The following LYSMD2 variants were observed in gnomAD, a reference collection of about 807,000 sequenced individuals.
LYSMD2 encodes the protein lysM and putative peptidoglycan-binding domain-containing protein 2.
Under a neutral mutation model 17.7 loss-of-function variants are expected in LYSMD2, and 6 were observed. The observed-to-expected ratio is 0.34, with a 90% CI of 0.19 to 0.67. LYSMD2 has a LOEUF of 0.67. LYSMD2 is among the 30% of genes least tolerant of loss of function. LYSMD2 has a pLI of 0.69. For synonymous variants in LYSMD2, 102 were observed against 129.8 expected (o/e 0.79, Z 1.45); for missense variants, 237 against 286.7 (o/e 0.83, Z 1.25).
intron 1 of LYSMD2, among the ~76,000 whole-genome samples, chr15:51,730,442 A>G (rs2055569424): frequency 6.6e-6 from 1 of 152,192 alleles, no homozygotes. Context: ...CTTGAGCCTG[A>G]GAGGTCAAGG....
At chr15:51,733,074 G>A (rs990168005) in intron 1 of LYSMD2, among the ~76,000 whole-genome samples, 8 of 152,158 alleles carry the variant, frequency 5.3e-5, no homozygotes, top group African/African-American at 1.9e-4. Context: ...ATACCCCACT[G>A]CATTCTAAGC....
At chr15:51,749,463 T>C (rs1423495969) in intron 1 of LYSMD2, among the ~76,000 whole-genome samples, 1 of 152,244 alleles carries the variant, frequency 6.6e-6, no homozygotes, top group Non-Finnish European at 1.5e-5. Context: ...CTGCTTCGAC[T>C]GCCGAACATG....
In LYSMD2 at chr15:51,723,478, A is replaced by G. The variant is rs949548316; in HGVS notation, c.*129T>C. ...CTTCAGTGCAACTGCAGCAGGTAGA[A>G]CTACCTAGTTATGATTTTAAGATGG... On this transcript the variant is annotated 3_prime_UTR_variant, in exon 3 of 3. Transcript: ENST00000267838. 4.0e-6 allele frequency: 3 copies of G among 757,340 alleles called. No homozygotes were observed. The African/African-American group carries it at 5.2e-5, about 13-fold the overall frequency. The allele number at this position is 757,340 out of a possible 1,614,324, so 46.9% of individuals were successfully genotyped here.
chr15:51,734,113 G>A (rs911062944), intron 1 of LYSMD2, among the ~76,000 whole-genome samples: 19 of 152,132 alleles, frequency 1.2e-4, no homozygotes, highest in African/African-American at 2.7e-4. Flanking sequence ...AACCCGGGAG[G>A]CGGAGGTTGC....
chr15:51,740,990 A>G (rs1168487170), upstream of LYSMD2, among the ~76,000 whole-genome samples: 1 of 152,244 alleles, frequency 6.6e-6, no homozygotes, highest in Non-Finnish European at 1.5e-5. Context: ...AAATTCATTA[A>G]AATTGCAAAC....
Position 51,724,934 on chromosome 15 carries a change from T to C in LYSMD2, c.461A>G (p.Glu154Gly), listed in dbSNP as rs1247188083. 1 of 1,614,122 alleles carries C rather than the reference T, an allele frequency of 6.2e-7. No individual in the cohort carries two copies. The change falls in exon 2 of 3, where the codon GAA (glutamate) becomes GGA (glycine). Residue 154 changes from glutamate to glycine, a missense_variant. Glu to Gly is a moderately conservative substitution (Grantham distance 98). Transcript: ENST00000267838. ...SQEEEPVVAGEDLPPPSPQES... is the reference protein window; with the variant it reads ...SQEEEPVVAGGDLPPPSPQES... ...TTGAGGACTGGGAGGAGGGAGGTCT[T>C]CCCCGGCCACCACTGGCTCCTCTTC...
chr15:51,723,708 A>G, intron 2 of LYSMD2, 59 bp from the exon 3 acceptor site: 1 of 1,245,616 alleles, frequency 8.0e-7, no homozygotes, highest in Non-Finnish European at 1.1e-6. Flanking sequence ...GAAAACTAAA[A>G]CATCAACTTA....
At chr15:51,748,188 T>A (rs2055677768) in intron 1 of LYSMD2, among the ~76,000 whole-genome samples, 1 of 145,586 alleles carries the variant, frequency 6.9e-6, no homozygotes, top group Non-Finnish European at 1.5e-5. Flanking sequence ...GGGAATCGCT[T>A]GAACCCAGAG....
At chr15:51,743,649 C>G (rs940797293) in intron 1 of LYSMD2, among the ~76,000 whole-genome samples, 1 of 152,202 alleles carries the variant, frequency 6.6e-6, no homozygotes, top group Non-Finnish European at 1.5e-5. Flanking sequence ...TTGTCAATAT[C>G]CACAAAGTAA....
chr15:51,737,280 C>CG lies in LYSMD2; in HGVS notation c.273+69dup. The CG allele has an allele frequency of 8.4e-7, 1 of 1,190,110 alleles. No homozygotes were observed. Among genetic ancestry groups the CG allele is most frequent in the Non-Finnish European group, 1.1e-6 (1 of 936,072 alleles). The allele number at this position is 1,190,110 out of a possible 1,614,324, so 73.7% of individuals were successfully genotyped here. A position where few individuals can be genotyped will look rare whatever the true frequency, so the allele number is the denominator to read the frequency against. ...CCCGCAGTCCCACCCCCACCCCCAC[C>CG]GCACCCCGAGCCGCACCGCCTCCTG... On this transcript the variant is annotated intron_variant, in intron 1 of 2. Coordinates refer to ENST00000267838, the MANE Select transcript of LYSMD2 (RefSeq NM_153374.3). The surrounding 1 kb of genome is among the most constrained non-coding windows in gnomAD (Gnocchi z 4.2).
Position 51,724,992 on chromosome 15 carries a change from C to T in LYSMD2, c.403G>A (p.Glu135Lys). The T allele has an allele frequency of 6.2e-7, 1 of 1,614,132 alleles. No individual in the cohort carries two copies. Among genetic ancestry groups the T allele is most frequent in the Non-Finnish European group, 8.5e-7 (1 of 1,179,992 alleles). Residue 135 changes from glutamate to lysine, a missense_variant, in exon 2 of 3, where the codon GAA becomes AAA. By Grantham distance (56) the Glu-to-Lys change is moderately conservative. Transcript: ENST00000267838. ...FNGLNSIDSP[E>K]NETADNSFSQ... ...AAACTGTTATCAGCAGTTTCATTTT[C>T]TGGAGAATCAATGGAGTTAAGTCCA...
At chr15:51,747,042 A>T (rs1013369357) in intron 1 of LYSMD2, among the ~76,000 whole-genome samples, 167 of 148,182 alleles carry the variant, frequency 1.1e-3, no homozygotes, top group Non-Finnish European at 2.3e-3. Flanking sequence ...AAAAAAAAAA[A>T]TACGAAAATT....
intron 1 of LYSMD2, among the ~76,000 whole-genome samples, chr15:51,729,288 A>G (rs1315782986): frequency 6.6e-6 from 1 of 152,242 alleles, no homozygotes; most frequent in African/African-American, 2.4e-5. Flanking sequence ...AAGCCACTGG[A>G]GAGTGAAGGC....
At chr15:51,736,748 C>T (rs1427641609) in intron 1 of LYSMD2, among the ~76,000 whole-genome samples, 1 of 116,190 alleles carries the variant, frequency 8.6e-6, no homozygotes, top group Non-Finnish European at 1.9e-5. Context: ...AAACGCAGCC[C>T]TCCAGCTCAC....
At position 51,737,344 on chromosome 15, in the gene LYSMD2, G is replaced by C; in HGVS notation, c.273+6C>G. On this transcript the variant is annotated splice_donor_region_variant and intron_variant, in intron 1 of 2. Coordinates refer to ENST00000267838, the MANE Select transcript of LYSMD2 (RefSeq NM_153374.3). This position sits in a 1 kb window ranked among gnomAD's most constrained non-coding sequence, Gnocchi z 4.2. ...AGCCCGGGCCGCGGCGGCGCGCCCT[G>C]CTCACCGTGACACCGTACTTGAGCG... 1 of 1,384,284 alleles carries C rather than the reference G, an allele frequency of 7.2e-7. No individual in the cohort carries two copies. Among genetic ancestry groups the C allele is most frequent in the Non-Finnish European group, 9.4e-7 (1 of 1,068,676 alleles). 85.8% of individuals were successfully genotyped at this position (1,384,284 alleles called of 1,614,324 possible).
In LYSMD2 at chr15:51,724,969, A is replaced by G. The variant is rs1303038538; in HGVS notation, c.426T>C (p.Ser142=). The G allele has an allele frequency of 1.2e-6, 2 of 1,614,040 alleles. No individual in the cohort carries two copies. The highest frequency in any genetic ancestry group is 2.2e-5 in the East Asian group (1 of 44,902). Residue 142 remains serine, a synonymous_variant, in exon 2 of 3, where the codon AGT becomes AGC. Transcript: ENST00000267838. Reference sequence around the variant, plus strand: ...CCACTGGCTCCTCTTCCTGAGAAAAACTGTTATCAGCAGTTTCATTTTCTG... The same window carrying G: ...CCACTGGCTCCTCTTCCTGAGAAAAGCTGTTATCAGCAGTTTCATTTTCTG... The part of the protein sequence containing the change: ...DSPENETADN[S]FSQEEEPVVA...
intron 1 of LYSMD2, among the ~76,000 whole-genome samples, chr15:51,727,307 A>C (rs1480214245): frequency 6.6e-6 from 1 of 152,204 alleles, no homozygotes; most frequent in African/African-American, 2.4e-5. Context: ...TTCAAACAGC[A>C]GCAGAACGAC....
In LYSMD2 at chr15:51,737,331, G is replaced by A. The variant is rs1243492327; in HGVS notation, c.273+19C>T. On this transcript the variant is annotated intron_variant, in intron 1 of 2. Coordinates refer to ENST00000267838, the MANE Select transcript of LYSMD2 (RefSeq NM_153374.3). This position sits in a 1 kb window ranked among gnomAD's most constrained non-coding sequence, Gnocchi z 4.2. ...CGCGGTAGCTGCCAGCCCGGGCCGCGGCGGCGCGCCCTGCTCACCGTGACA... is the reference window on the plus strand; with the variant it reads ...CGCGGTAGCTGCCAGCCCGGGCCGCAGCGGCGCGCCCTGCTCACCGTGACA... 1 of 1,297,116 alleles carries A rather than the reference G, an allele frequency of 7.7e-7. No homozygotes were observed. Among genetic ancestry groups the A allele is most frequent in the Non-Finnish European group, 9.8e-7 (1 of 1,019,654 alleles). The allele number at this position is 1,297,116 out of a possible 1,614,324, so 80.4% of individuals were successfully genotyped here.
At chr15:51,729,162 T>C (rs74015721) in intron 1 of LYSMD2, among the ~76,000 whole-genome samples, 10,983 of 152,308 alleles carry the variant, frequency 0.072, 497 homozygotes, top group African/African-American at 0.12. Flanking sequence ...GCAAATGCCC[T>C]GGGGCAGGAA....
Sources: allele counts gnomAD v4.1 joint callset (sites outside exome capture counted in the v4.1 genomes callset), GRCh38; gene constraint gnomAD v4.1.1; non-coding constraint Gnocchi (gnomAD v3.1); transcripts MANE v1.5; gene names NCBI Gene and HGNC (gene_info 2026-07-23, HGNC 2026-07-21).